VWA8: variants seen among roughly 807,000 people sequenced by gnomAD.
The protein encoded by VWA8 is von Willebrand factor A domain-containing protein 8.
In VWA8, 221 loss-of-function variants were observed where a neutral mutation model predicts 241.5. The observed-to-expected ratio is 0.91, with a 90% CI of 0.82 to 1.02. The LOEUF (loss-of-function observed/expected upper bound fraction) is 1.02. Among genes scored for constraint, VWA8 ranks in the 50% least tolerant of loss-of-function variants. The pLI, the probability that VWA8 is intolerant of heterozygous loss-of-function variation, is 0.00. For missense variants in VWA8, 2,322 were observed against 2,328.7 expected, an observed-to-expected ratio of 1.00 and a Z score of 0.06; for synonymous variants, 852 against 827.1, an observed-to-expected ratio of 1.03 and a Z score of -0.52.
intron 14 of VWA8, among the ~76,000 whole-genome samples, chr13:41,824,390 A>G (rs770767939): frequency 5.9e-5 from 9 of 152,236 alleles, no homozygotes; most frequent in Non-Finnish European, 8.8e-5. Flanking sequence ...AAGGGGTTTC[A>G]TTCACTAACT....
intron 1 of VWA8, among the ~76,000 whole-genome samples, chr13:41,951,177 G>A (rs1234916970): frequency 6.6e-6 from 1 of 152,022 alleles, no homozygotes; most frequent in Non-Finnish European, 1.5e-5. Context: ...AGCACTTTGG[G>A]AGGCCAAGGC....
intron 17 of VWA8, among the ~76,000 whole-genome samples, chr13:41,788,944 C>T (rs1869329991): frequency 6.6e-6 from 1 of 152,266 alleles, no homozygotes; most frequent in Non-Finnish European, 1.5e-5. Flanking sequence ...CCAAAGCCTG[C>T]AGAGAATAGC....
intron 20 of VWA8, among the ~76,000 whole-genome samples, chr13:41,774,904 G>A (rs1364337334): frequency 1.3e-5 from 2 of 152,094 alleles, no homozygotes; most frequent in Admixed American, 6.5e-5. Context: ...AAGGAAGGAA[G>A]GTCTTTGGGT....
In VWA8 at chr13:41,701,490, C is replaced by T; in HGVS notation, c.3266G>A (p.Arg1089Lys). ...AAAGTTTAGGGATCTTTCTTCATGT[C>T]TTTCTATTGGATACTCCTGTATATT... ...LINIQEYPIERHEERSLNFTE... is the reference protein window; with the variant it reads ...LINIQEYPIEKHEERSLNFTE... Residue 1089 changes from arginine to lysine, a missense_variant, in exon 28 of 45, where the codon AGA becomes AAA. Coordinates refer to ENST00000379310, the MANE Select transcript of VWA8 (RefSeq NM_015058.2). 1 of 1,611,892 alleles carries T rather than the reference C, an allele frequency of 6.2e-7. No individual in the cohort carries two copies. Among genetic ancestry groups the T allele is most frequent in the African/African-American group, 1.3e-5 (1 of 74,928 alleles).
chr13:41,862,967 A>G (rs919558865), intron 12 of VWA8, among the ~76,000 whole-genome samples: 1 of 152,148 alleles, frequency 6.6e-6, no homozygotes, highest in African/African-American at 2.4e-5. Flanking sequence ...ACATATGTTC[A>G]TTGCAGCACT....
chr13:41,945,647 C>G (rs1877816349), intron 2 of VWA8, among the ~76,000 whole-genome samples: 1 of 151,996 alleles, frequency 6.6e-6, no homozygotes, highest in Non-Finnish European at 1.5e-5. Flanking sequence ...CAGAGGGGCT[C>G]AACAACAGAT....
chr13:41,627,517 G>A (rs1165368246), intron 37 of VWA8, among the ~76,000 whole-genome samples: 1 of 152,148 alleles, frequency 6.6e-6, no homozygotes, highest in Non-Finnish European at 1.5e-5. Flanking sequence ...GGTAAAAAAA[G>A]CTTTTTATGG....
chr13:41,811,737 C>T (rs891596470), intron 16 of VWA8, among the ~76,000 whole-genome samples: 2 of 152,102 alleles, frequency 1.3e-5, no homozygotes, highest in Non-Finnish European at 2.9e-5. Context: ...TTAAGCAAAT[C>T]GGTGGTTTCT....
At chr13:41,722,650 T>G (rs778275484) in intron 24 of VWA8, among the ~76,000 whole-genome samples, 1 of 152,206 alleles carries the variant, frequency 6.6e-6, no homozygotes, top group Non-Finnish European at 1.5e-5. Context: ...ATTCATTTAC[T>G]CATCAAATAA....
At chr13:41,600,983 C>G (rs181527416) in intron 40 of VWA8, among the ~76,000 whole-genome samples, 1 of 152,130 alleles carries the variant, frequency 6.6e-6, no homozygotes, top group South Asian at 2.1e-4. Context: ...CTGAAACTTT[C>G]TCCTCCATGG....
At chr13:41,631,147 G>A (rs2044723782) in intron 37 of VWA8, among the ~76,000 whole-genome samples, 1 of 152,102 alleles carries the variant, frequency 6.6e-6, no homozygotes, top group Non-Finnish European at 1.5e-5. Context: ...AGTTTCCCAA[G>A]TAGCTGGGAT....
rs1456043394 is a variant in VWA8, at chr13:41,690,163, T to G, written c.3976+3A>C. 1.2e-6 allele frequency: 2 copies of G among 1,610,846 alleles called. No homozygotes were observed. ...CCATAAACACAGATGACATAGTATTTACCTTGTGTAACTCCAAACCCTGTG... is the reference window on the plus strand; with the variant it reads ...CCATAAACACAGATGACATAGTATTGACCTTGTGTAACTCCAAACCCTGTG... On this transcript the variant is annotated splice_donor_region_variant and intron_variant, in intron 33 of 44. Transcript: ENST00000379310.
At chr13:41,766,016 G>A (rs1383834050) in intron 20 of VWA8, among the ~76,000 whole-genome samples, 5 of 152,130 alleles carry the variant, frequency 3.3e-5, no homozygotes. Context: ...GAGTAGGGCG[G>A]CCCTTTCACT....
At chr13:41,747,220 C>T (rs975969138) in intron 21 of VWA8, among the ~76,000 whole-genome samples, 4 of 152,182 alleles carry the variant, frequency 2.6e-5, no homozygotes, top group Non-Finnish European at 4.4e-5. Flanking sequence ...TTGATTCTTC[C>T]TATCCATGAG....
At chr13:41,831,121 A>T (rs9566858) in intron 13 of VWA8, among the ~76,000 whole-genome samples, 110,154 of 152,142 alleles carry the variant, frequency 0.72, 40,900 homozygotes, top group East Asian at 0.89. Flanking sequence ...GCAACTCTGA[A>T]GGTGACCTAA....
rs143859683 is a variant in VWA8, at chr13:41,644,029, A to G, written c.4611+26917T>C. Among the ~76,000 whole-genome samples, 159 of 152,134 alleles carry G rather than the reference A, an allele frequency of 1.0e-3. 1 individual carries two copies. The Middle Eastern group carries it at 0.017, about 16-fold the overall frequency. ...ATCTCCTTTTTTCTTATTATAGGTA[A>G]AACCCAGTATCTTTCTCCTGTTAAG... On this transcript the variant is annotated intron_variant, in intron 37 of 44. Transcript: ENST00000379310.
At position 41,590,713 on chromosome 13, in the gene VWA8, T is replaced by A; in HGVS notation, c.5039A>T (p.Asp1680Val). ...WLRHQATGEL[D>V]DAKIIDGLTG... ...CAGCCCATCAATGATCTTGGCATCA[T>A]CTAATTCTCCAGTAGCTTGATGTCT... The change falls in exon 41 of 45, where the codon GAT becomes GTT. Residue 1680 changes from aspartate to valine, a missense_variant. Coordinates refer to ENST00000379310, the MANE Select transcript of VWA8 (RefSeq NM_015058.2). The A allele has an allele frequency of 6.2e-7, 1 of 1,614,144 alleles. No homozygotes were observed. The highest frequency in any genetic ancestry group is 8.5e-7 in the Non-Finnish European group (1 of 1,180,026).
At chr13:41,871,606 T>A (rs1253769743) in intron 9 of VWA8, among the ~76,000 whole-genome samples, 3 of 152,240 alleles carry the variant, frequency 2.0e-5, no homozygotes, top group Middle Eastern at 3.4e-3. Flanking sequence ...ATTTCCAATT[T>A]CATCCATGTC....
chr13:41,640,679 C>T (rs1207255143), intron 37 of VWA8, among the ~76,000 whole-genome samples: 1 of 152,140 alleles, frequency 6.6e-6, no homozygotes, highest in Admixed American at 6.5e-5. Flanking sequence ...TTGCTTAATG[C>T]TAAAACTGGG....
Sources: gnomAD v4.1 joint callset for allele counts (sites outside exome capture counted in the v4.1 genomes callset) on GRCh38, gnomAD v4.1.1 for gene constraint, MANE v1.5 for transcripts, NCBI Gene and HGNC (gene_info 2026-07-23, HGNC 2026-07-21) for gene names.